ZNF143: variants seen among roughly 807,000 people sequenced by gnomAD.
The protein encoded by ZNF143 is zinc finger protein 143.
Under a neutral mutation model 74.1 loss-of-function variants are expected in ZNF143, and 49 were observed. The ratio of observed to expected loss-of-function variants is 0.66; its 90% CI spans 0.53 to 0.84. The LOEUF is 0.84. Among genes scored for constraint, ZNF143 ranks in the 40% least tolerant of loss-of-function variants. The pLI is 0.00. For missense variants in ZNF143, 637 were observed against 793.4 expected (o/e 0.80, Z 2.37); for synonymous variants, 304 against 282.8 (o/e 1.07, Z -0.75).
chr11:9,497,848 T>TTTGAA, intron 10 of ZNF143, 48 bp downstream of exon 10: 1 of 1,296,890 alleles, frequency 7.7e-7, no homozygotes, highest in Non-Finnish European at 1.0e-6. Flanking sequence ...TTTTTTTTTT[T>TTTGAA]GAGACGGAGT....
intron 14 of ZNF143, among the ~76,000 whole-genome samples, chr11:9,517,093 T>G (rs1430056356): frequency 6.6e-6 from 1 of 152,146 alleles, no homozygotes; most frequent in Non-Finnish European, 1.5e-5. Flanking sequence ...TTTTATTTTT[T>G]ATTTTTATTT....
chr11:9,525,804 A>G (rs1849105196), intron 15 of ZNF143, among the ~76,000 whole-genome samples: 1 of 152,186 alleles, frequency 6.6e-6, no homozygotes, highest in South Asian at 2.1e-4. Context: ...GGGGAATGTC[A>G]GAAGACTTAG....
At chr11:9,499,766 A>G (rs1565050610) in intron 10 of ZNF143, among the ~76,000 whole-genome samples, 1 of 152,196 alleles carries the variant, frequency 6.6e-6, no homozygotes, top group Admixed American at 6.5e-5. Flanking sequence ...GTATCTGTCT[A>G]TATAAAGAGA....
At chr11:9,462,529 C>G (rs1316830871) in intron 1 of ZNF143, among the ~76,000 whole-genome samples, 1 of 151,352 alleles carries the variant, frequency 6.6e-6, no homozygotes, top group Non-Finnish European at 1.5e-5. Flanking sequence ...TGCCACTGTA[C>G]TCCCGTCTGG....
At chr11:9,472,596 C>A in intron 2 of ZNF143, 81 bp from the exon 3 acceptor site, 2 of 1,221,208 alleles carry the variant, frequency 1.6e-6, no homozygotes. Context: ...TACCTTTTTT[C>A]TGATCTTTAT....
intron 1 of ZNF143, among the ~76,000 whole-genome samples, chr11:9,464,073 CGTGTGTGTGTGTTT>C (rs1367159508): frequency 9.8e-5 from 13 of 132,832 alleles, no homozygotes; most frequent in African/African-American, 1.6e-4. Flanking sequence ...TTAGGGATGT[CGTGTGTGTGTGTTT>C]GTGTGTGTGT....
rs919112974 is a variant in ZNF143 at position 9,527,746 on chromosome 11, G to A, written c.*133G>A. On this transcript the variant is annotated 3_prime_UTR_variant, in exon 16 of 16. Coordinates refer to ENST00000396602, the MANE Select transcript of ZNF143 (RefSeq NM_003442.6). ...ACTGTACACATTTTTATGCGAGAGT[G>A]GAGAACATTTTATTCTTGACACTTT... The A allele has an allele frequency of 6.9e-6, 5 of 728,392 alleles. No individual in the cohort carries two copies. Among genetic ancestry groups the A allele is most frequent in the Non-Finnish European group, 1.1e-5 (5 of 439,068 alleles). 45.1% of individuals were successfully genotyped at this position (728,392 alleles called of 1,614,324 possible). A position where few individuals can be genotyped will look rare whatever the true frequency, so the allele number is the denominator to read the frequency against.
intron 5 of ZNF143, among the ~76,000 whole-genome samples, chr11:9,477,687 T>C (rs1489913759): frequency 2.0e-5 from 3 of 152,310 alleles, no homozygotes; most frequent in African/African-American, 7.2e-5. Context: ...GATATAGATA[T>C]ATCTTAGTGT....
At chr11:9,468,537 T>G (rs1420351574) in intron 1 of ZNF143, among the ~76,000 whole-genome samples, 5 of 152,224 alleles carry the variant, frequency 3.3e-5, no homozygotes, top group African/African-American at 7.2e-5. Context: ...CAATTAGAAT[T>G]GGCAGTATGA....
At chr11:9,507,749 T>C (rs563525119) in intron 11 of ZNF143, among the ~76,000 whole-genome samples, 1 of 152,340 alleles carries the variant, frequency 6.6e-6, no homozygotes, top group South Asian at 2.1e-4. Context: ...TAAGTAATTA[T>C]TATTAATTTT....
At chr11:9,493,685 G>A (rs1333441522) in intron 7 of ZNF143, among the ~76,000 whole-genome samples, 4 of 152,128 alleles carry the variant, frequency 2.6e-5, no homozygotes, top group African/African-American at 7.2e-5. Flanking sequence ...TCATTACCCA[G>A]AATTATATGC....
intron 1 of ZNF143, among the ~76,000 whole-genome samples, chr11:9,466,359 G>C (rs144882718): frequency 2.0e-5 from 3 of 151,254 alleles, no homozygotes; most frequent in Admixed American, 6.6e-5. Flanking sequence ...GCAATGATGT[G>C]ATCTCGGCTC....
chr11:9,521,510 AGAGTT>A (rs2134248142), intron 14 of ZNF143, among the ~76,000 whole-genome samples: 1 of 152,100 alleles, frequency 6.6e-6, no homozygotes, highest in Non-Finnish European at 1.5e-5. Context: ...AAAGCTTGAT[AGAGTT>A]AATTAGGACA....
At chr11:9,495,080 T>C (rs999644249) in intron 8 of ZNF143, among the ~76,000 whole-genome samples, 1 of 152,224 alleles carries the variant, frequency 6.6e-6, no homozygotes, top group Non-Finnish European at 1.5e-5. Context: ...ATGAGAGATA[T>C]GTGTGTAATC....
At chr11:9,495,786 A>G (rs1305717734) in intron 8 of ZNF143, among the ~76,000 whole-genome samples, 1 of 152,230 alleles carries the variant, frequency 6.6e-6, no homozygotes, top group Non-Finnish European at 1.5e-5. Flanking sequence ...ATGTTCAGTA[A>G]ATGTTAGCCA....
chr11:9,492,382 G>A (rs1302116074), intron 7 of ZNF143, among the ~76,000 whole-genome samples: 2 of 151,466 alleles, frequency 1.3e-5, no homozygotes, highest in East Asian at 3.9e-4. Flanking sequence ...CAGAGTGCTG[G>A]GATTACAGTC....
intron 7 of ZNF143, among the ~76,000 whole-genome samples, chr11:9,486,374 ATAT>A (rs1166338638): frequency 7.7e-5 from 3 of 38,922 alleles, no homozygotes; most frequent in African/African-American, 3.3e-4. Context: ...TATATATAAT[ATAT>A]TATATATATA....
chr11:9,475,991 G>A (rs766118671), intron 5 of ZNF143, among the ~76,000 whole-genome samples: 14 of 150,930 alleles, frequency 9.3e-5, no homozygotes, highest in Admixed American at 6.6e-4. Context: ...TGCCTACTAT[G>A]TTTAATTGAA....
intron 1 of ZNF143, among the ~76,000 whole-genome samples, chr11:9,470,901 G>C (rs1856528335): frequency 6.6e-6 from 1 of 152,024 alleles, no homozygotes; most frequent in African/African-American, 2.4e-5. Flanking sequence ...TACTGGTGAA[G>C]GTTGTGAGAG....
Sources: allele counts gnomAD v4.1 joint callset (sites outside exome capture counted in the v4.1 genomes callset), GRCh38; gene constraint gnomAD v4.1.1; transcripts MANE v1.5; gene names NCBI Gene and HGNC (gene_info 2026-07-23, HGNC 2026-07-21).